The following MMP26 variants were observed in gnomAD, a reference collection of about 807,000 sequenced individuals.
MMP26 encodes matrix metallopeptidase 26.
Under a neutral mutation model 31.0 loss-of-function variants are expected in MMP26, and 33 were observed. That is an observed-to-expected ratio of 1.06 (90% CI 0.81 to 1.42). The LOEUF (loss-of-function observed/expected upper bound fraction) is 1.42, where lower values mean the gene tolerates loss of function less well. MMP26 is among the 40% of genes most tolerant of loss of function. The pLI, the probability that MMP26 is intolerant of heterozygous loss-of-function variation, is 0.00. For missense variants in MMP26, 347 were observed against 316.1 expected (o/e 1.10, Z -0.74); for synonymous variants, 122 against 114.9 (o/e 1.06, Z -0.40).
At chr11:4,971,890 C>T (rs939859997) in intron 2 of MMP26, among the ~76,000 whole-genome samples, 3 of 152,076 alleles carry the variant, frequency 2.0e-5, no homozygotes, top group African/African-American at 4.8e-5. Flanking sequence ...CTTTTTTTAA[C>T]AGCCAGATCT....
chr11:4,943,518 G>C (rs750706249), intron 2 of MMP26: 2 of 455,894 alleles, frequency 4.4e-6, no homozygotes, highest in Non-Finnish European at 8.8e-6. Flanking sequence ...CTGACATTTT[G>C]TGCTAGATAA....
intron 2 of MMP26, chr11:4,908,131 C>T (rs760728485): frequency 1.2e-6 from 2 of 1,614,196 alleles, no homozygotes; most frequent in South Asian, 1.1e-5. Context: ...ATGTGCCCAT[C>T]ATCACCCTGG....
In MMP26 at chr11:4,760,620, C is replaced by T. The variant is rs549482626; in HGVS notation, c.-216-6650C>T. ...TCATTAATAGGCTGTGACTAATATT[C>T]CCATTTTTCAGGTGAGGTTAGAGTG... On this transcript the variant is annotated intron_variant, in intron 1 of 7. Transcript: ENST00000380390. 5.9e-5 allele frequency among the ~76,000 whole-genome samples: 9 copies of T among 152,274 alleles called. No individual in the cohort carries two copies. The South Asian group carries it at 1.9e-3, about 32-fold the overall frequency.
intron 2 of MMP26, among the ~76,000 whole-genome samples, chr11:4,970,698 G>T (rs1846654076): frequency 1.3e-5 from 2 of 152,170 alleles, no homozygotes; most frequent in South Asian, 4.1e-4. Flanking sequence ...AGTGGTGCTG[G>T]TGAGACCAAA....
intron 2 of MMP26, among the ~76,000 whole-genome samples, chr11:4,889,178 T>C (rs572312486): frequency 1.3e-4 from 20 of 152,176 alleles, no homozygotes; most frequent in Non-Finnish European, 2.8e-4. Flanking sequence ...TCATCCCTTG[T>C]TATCCATAGG....
intron 2 of MMP26, among the ~76,000 whole-genome samples, chr11:4,927,617 C>T (rs1367746042): frequency 2.0e-5 from 3 of 152,066 alleles, no homozygotes; most frequent in Non-Finnish European, 4.4e-5. Context: ...TGTGCTTCTG[C>T]TTGCAATGCA....
At chr11:4,734,902 G>A (rs1025877684) in intron 1 of MMP26, among the ~76,000 whole-genome samples, 1 of 130,270 alleles carries the variant, frequency 7.7e-6, no homozygotes, top group Non-Finnish European at 1.6e-5. Flanking sequence ...TGGGGAAAGG[G>A]TGATGGGTCC....
chr11:4,982,679 A>G (rs11822444), intron 2 of MMP26, among the ~76,000 whole-genome samples: 4,962 of 152,308 alleles, frequency 0.033, 289 homozygotes, highest in African/African-American at 0.11. Flanking sequence ...AATAAACACC[A>G]GTATAAATAC....
chr11:4,853,331 A>ATATT (rs1175299343), intron 2 of MMP26, among the ~76,000 whole-genome samples: 1 of 152,212 alleles, frequency 6.6e-6, no homozygotes, highest in Non-Finnish European at 1.5e-5. Context: ...TCAAAACATC[A>ATATT]TATTGTACAC....
rs1850077554 is a variant in MMP26 at position 4,857,814 on chromosome 11, C to A, written c.-145+90473C>A. On this transcript the variant is annotated intron_variant, in intron 2 of 7. Transcript: ENST00000380390. The stretch of plus-strand genomic sequence containing the variant: ...CCAATATCCCTGATGAACATCAATG[C>A]AAAAATACTCAATAAAATACTGGCA... Among the ~76,000 whole-genome samples, 4 of 152,110 alleles carry A rather than the reference C, an allele frequency of 2.6e-5. No individual in the cohort carries two copies. The South Asian group carries it at 8.3e-4, about 32-fold the overall frequency.
At chr11:4,972,268 GA>G (rs1333025662) in intron 2 of MMP26, among the ~76,000 whole-genome samples, 1 of 152,160 alleles carries the variant, frequency 6.6e-6, no homozygotes, top group Non-Finnish European at 1.5e-5. Flanking sequence ...GCCAAGTTGA[GA>G]ACACAGTTCA....
chr11:4,807,697 A>G (rs572083282), intron 2 of MMP26, among the ~76,000 whole-genome samples: 3 of 152,304 alleles, frequency 2.0e-5, no homozygotes, highest in East Asian at 3.9e-4. Flanking sequence ...CAGCAAACCA[A>G]CGTGGCACAT....
At chr11:4,938,901 A>G (rs1345131574) in intron 2 of MMP26, among the ~76,000 whole-genome samples, 1 of 152,174 alleles carries the variant, frequency 6.6e-6, no homozygotes, top group Non-Finnish European at 1.5e-5. Context: ...TATAGAAGGT[A>G]GTCTAAATCA....
chr11:4,808,146 C>T (rs565452997), intron 2 of MMP26, among the ~76,000 whole-genome samples: 1 of 152,160 alleles, frequency 6.6e-6, no homozygotes, highest in African/African-American at 2.4e-5. Flanking sequence ...CCTCTGCATC[C>T]TCCTATAACA....
intron 2 of MMP26, among the ~76,000 whole-genome samples, chr11:4,960,045 C>G: frequency 6.7e-6 from 1 of 150,176 alleles, no homozygotes; most frequent in South Asian, 2.2e-4. Flanking sequence ...CGCCCCCCCA[C>G]CCAGGAGAAT....
At chr11:4,882,684 T>C (rs750383514) in intron 2 of MMP26, 97 of 1,613,844 alleles carry the variant, frequency 6.0e-5, no homozygotes, top group Non-Finnish European at 7.8e-5. Context: ...AGCCTCTCTT[T>C]GGCACACCGC....
chr11:4,713,363 C>T (rs1004089659), intron 1 of MMP26, among the ~76,000 whole-genome samples: 1 of 152,152 alleles, frequency 6.6e-6, no homozygotes, highest in Admixed American at 6.5e-5. Flanking sequence ...CCCACACTGG[C>T]ACCCAGGGTT....
At chr11:4,879,841 A>T (rs1850433399) in intron 2 of MMP26, among the ~76,000 whole-genome samples, 1 of 152,092 alleles carries the variant, frequency 6.6e-6, no homozygotes, top group African/African-American at 2.4e-5. Context: ...TAGGAAGAGG[A>T]TATATTGAAA....
At chr11:4,714,912 TCTCTCTCTCACA>T (rs930065577) in intron 1 of MMP26, among the ~76,000 whole-genome samples, 7 of 133,152 alleles carry the variant, frequency 5.3e-5, no homozygotes, top group African/African-American at 2.2e-4. Context: ...TCTCTCTCTC[TCTCTCTCTCACA>T]CACACACACA....
Sources: gnomAD v4.1 joint callset for allele counts (sites outside exome capture counted in the v4.1 genomes callset) on GRCh38, gnomAD v4.1.1 for gene constraint, MANE v1.5 for transcripts, NCBI Gene and HGNC (gene_info 2026-07-23, HGNC 2026-07-21) for gene names.